The following NOX3 variants were observed in gnomAD, a reference collection of about 807,000 sequenced individuals.
The protein encoded by NOX3 is NADPH oxidase 3.
In NOX3, 74 loss-of-function variants were observed where a neutral mutation model predicts 76.7. The observed-to-expected ratio is 0.96, with a 90% CI of 0.80 to 1.17. The LOEUF (loss-of-function observed/expected upper bound fraction) is 1.17. NOX3 is among the 50% of genes most tolerant of loss of function. The pLI is 0.00. For synonymous variants in NOX3, 263 were observed against 261.1 expected (o/e 1.01, Z -0.07); for missense variants, 695 against 703.3 (o/e 0.99, Z 0.13).
Position 155,402,236 on chromosome 6 carries a change from A to G in NOX3, c.1580+4894T>C, listed in dbSNP as rs1262301834. ...TAGATGGCAATGAATGTATTTAATT[A>G]GCCTACTATATTTTAATTGGGAGAA... is the stretch of plus-strand genomic sequence containing the variant. On this transcript the variant is annotated intron_variant, in intron 12 of 13. Coordinates refer to ENST00000159060, the MANE Select transcript of NOX3 (RefSeq NM_015718.3). Among the ~76,000 whole-genome samples, 8 of 152,336 alleles carry G rather than the reference A, an allele frequency of 5.3e-5. 1 individual carries two copies. The South Asian group carries it at 1.7e-3, about 32-fold the overall frequency.
chr6:155,412,993 AATGGTCAAACGGG>A (rs1308005246), intron 10 of NOX3, among the ~76,000 whole-genome samples: 3 of 152,160 alleles, frequency 2.0e-5, no homozygotes, highest in Non-Finnish European at 4.4e-5. Context: ...TATTAAGTTG[AATGGTCAAACGGG>A]GGCTCAATGA....
intron 12 of NOX3, among the ~76,000 whole-genome samples, chr6:155,401,296 G>T (rs541595880): frequency 1.3e-5 from 2 of 152,132 alleles, no homozygotes; most frequent in African/African-American, 4.8e-5. Flanking sequence ...ATGGGAATAT[G>T]CTGACAATTT....
chr6:155,424,039 C>A (rs1776726130), intron 9 of NOX3, among the ~76,000 whole-genome samples: 1 of 152,192 alleles, frequency 6.6e-6, no homozygotes, highest in Non-Finnish European at 1.5e-5. Flanking sequence ...CTGCACCTGG[C>A]ATCTTCTCCA....
At chr6:155,421,123 G>A (rs1175184480) in intron 10 of NOX3, among the ~76,000 whole-genome samples, 2 of 152,126 alleles carry the variant, frequency 1.3e-5, no homozygotes, top group African/African-American at 4.8e-5. Flanking sequence ...CTAAAATATT[G>A]CTCCAGGGTT....
rs1582938652 is a variant in NOX3, at chr6:155,428,684, A to T, written c.1145+110T>A. 4.5e-6 allele frequency: 5 copies of T among 1,105,754 alleles called. No homozygotes were observed. In the East Asian group the frequency reaches 1.4e-4, roughly 30 times the overall value. 68.5% of individuals were successfully genotyped at this position (1,105,754 alleles called of 1,614,324 possible). A position where few individuals can be genotyped will look rare whatever the true frequency, so the allele number is the denominator to read the frequency against. On this transcript the variant is annotated intron_variant, in intron 9 of 13. Coordinates refer to ENST00000159060, the MANE Select transcript of NOX3 (RefSeq NM_015718.3). The stretch of plus-strand genomic sequence containing the variant: ...CATTCTCAAATTTAGACACAGTCTC[A>T]AACTCACCATTTAATAAAGATATTG...
intron 10 of NOX3, among the ~76,000 whole-genome samples, chr6:155,416,744 C>CTTTTTTTTTTTTTTTTTTT (rs534711414): frequency 9.7e-5 from 9 of 92,532 alleles, no homozygotes; most frequent in African/African-American, 3.7e-4. Context: ...CTGAAACATT[C>CTTTTTTTTTTTTTTTTTTT]TTTTTTTTTT....
At position 155,455,076 on chromosome 6, in the gene NOX3, A is replaced by G. The variant is rs778698123; in HGVS notation, c.102T>C (p.Tyr34=). 4.3e-6 allele frequency: 7 copies of G among 1,613,498 alleles called. No individual in the cohort carries two copies. The South Asian group carries it at 7.7e-5, about 18-fold the overall frequency. ...FYLFIDTFYW[Y]EEEESFHYTR... is the part of the protein sequence containing the mutation. ...TGTAATGGAAAGACTCCTCCTCTTC[A>G]TACCAGTAGAACGTGTCAATAAACA... is the stretch of plus-strand genomic sequence containing the variant. The change falls in exon 2 of 14, where the codon TAT becomes TAC. Residue 34 remains tyrosine (Y), a synonymous_variant. Coordinates refer to ENST00000159060, the MANE Select transcript of NOX3 (RefSeq NM_015718.3).
intron 6 of NOX3, among the ~76,000 whole-genome samples, chr6:155,438,609 A>G (rs1562469214): frequency 1.3e-5 from 2 of 152,228 alleles, no homozygotes; most frequent in African/African-American, 2.4e-5. Context: ...CAGGAGCATT[A>G]AGGGTGAGGA....
At position 155,436,483 on chromosome 6, in the gene NOX3, G is replaced by A. The variant is rs760251192; in HGVS notation, c.733C>T (p.Arg245Cys). Residue 245 changes from arginine (R) to cysteine (C), a missense_variant, in exon 7 of 14, where the codon CGC becomes TGC. Arg to Cys is a radical substitution (Grantham distance 180, BLOSUM62 -3). Transcript: ENST00000159060. Reference sequence around the variant, plus strand: ...GCCACTGTCTGCCATTCTGCATAGCGGTCTCTACAGAAGGTGATGTTGTGC... The same window carrying A: ...GCCACTGTCTGCCATTCTGCATAGCAGTCTCTACAGAAGGTGATGTTGTGC... ...SLHNITFCRDRYAEWQTVAQC... is the reference protein window; with the variant it reads ...SLHNITFCRDCYAEWQTVAQC... 30 of 1,613,682 alleles carry A rather than the reference G, an allele frequency of 1.9e-5. No individual in the cohort carries two copies. The highest frequency in any genetic ancestry group is 1.2e-4 in the Admixed American group (7 of 59,996).
intron 13 of NOX3, 113 bp downstream of exon 13, chr6:155,396,696 G>A (rs1315181478): frequency 1.4e-6 from 1 of 719,814 alleles, no homozygotes; most frequent in African/African-American, 1.8e-5. Context: ...CAATGGCAGA[G>A]TTCAGTAGTT....
chr6:155,396,885 G>A lies in NOX3; in HGVS notation c.1658C>T (p.Ser553Leu). ...TLQKMCHLYS[S>L]ADPRGVHFYY... is the part of the protein sequence containing the mutation. ...GAAATGAACACCTCTGGGGTCAGCT[G>A]ATGAATACAAGTGGCACATCTTTTG... is the stretch of plus-strand genomic sequence containing the variant. The change falls in exon 13 of 14, where the codon TCA becomes TTA. Residue 553 changes from serine to leucine, a missense_variant. Transcript: ENST00000159060. The A allele has an allele frequency of 6.2e-7, 1 of 1,613,366 alleles. No individual in the cohort carries two copies.
intron 6 of NOX3, among the ~76,000 whole-genome samples, chr6:155,437,480 C>T (rs547546446): frequency 6.6e-6 from 1 of 152,308 alleles, no homozygotes; most frequent in South Asian, 2.1e-4. Flanking sequence ...GTAATACGCC[C>T]TTGGAAAACA....
chr6:155,453,276 AG>A, intron 4 of NOX3, 127 bp downstream of exon 4: 2 of 736,176 alleles, frequency 2.7e-6, no homozygotes, highest in Non-Finnish European at 2.4e-6. Flanking sequence ...TAAGGTTTAC[AG>A]GGTCAGATAA....
At chr6:155,449,298 T>A (rs2235673) in intron 4 of NOX3, among the ~76,000 whole-genome samples, 1 of 152,010 alleles carries the variant, frequency 6.6e-6, no homozygotes, top group Admixed American at 6.6e-5. Context: ...AGCTGCCGAC[T>A]CTGCCAGGGA....
chr6:155,403,167 T>C (rs1324967299), intron 12 of NOX3, among the ~76,000 whole-genome samples: 2 of 152,260 alleles, frequency 1.3e-5, no homozygotes, highest in African/African-American at 2.4e-5. Context: ...GTTTAAAAAT[T>C]AGATTTTATT....
At chr6:155,440,467 A>C (rs79379581) in intron 5 of NOX3, among the ~76,000 whole-genome samples, 19,342 of 151,734 alleles carry the variant, frequency 0.13, 1,309 homozygotes, top group South Asian at 0.15. Flanking sequence ...TGGAAAAAAA[A>C]CCCACATAAA....
intron 7 of NOX3, among the ~76,000 whole-genome samples, chr6:155,431,250 T>G (rs768171719): frequency 1.9e-4 from 29 of 152,200 alleles, no homozygotes; most frequent in Non-Finnish European, 3.2e-4. Context: ...GATGTTTATA[T>G]TACATATGAT....
intron 6 of NOX3, among the ~76,000 whole-genome samples, chr6:155,438,706 G>A (rs565069640): frequency 1.1e-4 from 16 of 152,318 alleles, no homozygotes; most frequent in Non-Finnish European, 1.9e-4. Context: ...AGTCACCAAG[G>A]CAGGTGTGAC....
chr6:155,428,747 A>G (rs376566441), intron 9 of NOX3, 47 bp downstream of exon 9: 3 of 1,450,682 alleles, frequency 2.1e-6, no homozygotes, highest in African/African-American at 2.8e-5. Context: ...AAGATACCTT[A>G]CTTTTTATAA....
Sources: gnomAD v4.1 joint callset for allele counts (sites outside exome capture counted in the v4.1 genomes callset) on GRCh38, gnomAD v4.1.1 for gene constraint, MANE v1.5 for transcripts, NCBI Gene and HGNC (gene_info 2026-07-23, HGNC 2026-07-21) for gene names.